DPP6: variants seen among roughly 807,000 people sequenced by gnomAD.
DPP6 encodes the protein A-type potassium channel modulatory protein DPP6.
A neutral mutation model predicts 122.6 loss-of-function variants in DPP6; 69 were observed. The observed-to-expected ratio is 0.56, with a 90% confidence interval of 0.46 to 0.69. The LOEUF (loss-of-function observed/expected upper bound fraction) is 0.69, where lower values mean the gene tolerates loss of function less well. Among genes scored for constraint, DPP6 ranks in the 30% least tolerant of loss-of-function variants. The probability of loss-of-function intolerance (pLI) is 0.00; values close to 1 mark genes in which losing one functional copy is unlikely to be tolerated. For synonymous variants in DPP6, 418 were observed against 433.1 expected (o/e 0.97, Z 0.43); for missense variants, 928 against 1,116.9 (o/e 0.83, Z 2.41).
intron 16 of DPP6, among the ~76,000 whole-genome samples, chr7:154,844,628 T>C (rs1218065566): frequency 6.6e-6 from 1 of 152,174 alleles, no homozygotes; most frequent in Non-Finnish European, 1.5e-5. Context: ...ACAGTTCACA[T>C]AGACAGTAGT....
At chr7:153,867,886 T>G in the DPP6 span, among the ~76,000 whole-genome samples, 7 of 152,332 alleles carry the variant, frequency 4.6e-5, no homozygotes, top group African/African-American at 1.7e-4. Flanking sequence ...ATCAAAGGCC[T>G]TTTATGCATC....
At chr7:153,892,371 TG>T (rs1272122052) in intron 1 of DPP6, among the ~76,000 whole-genome samples, 2 of 152,122 alleles carry the variant, frequency 1.3e-5, no homozygotes, top group Non-Finnish European at 2.9e-5. Context: ...TGGAATGCAG[TG>T]GCACAGTCTC....
intron 7 of DPP6, among the ~76,000 whole-genome samples, chr7:154,705,611 T>A (rs910793375): frequency 1.3e-5 from 2 of 152,050 alleles, no homozygotes; most frequent in Non-Finnish European, 2.9e-5. Context: ...ATGGCTGGGG[T>A]GGCAGGGATG....
chr7:154,464,531 C>T (rs1004932751), intron 2 of DPP6, among the ~76,000 whole-genome samples: 2 of 152,188 alleles, frequency 1.3e-5, no homozygotes, highest in African/African-American at 2.4e-5. Context: ...TGCTCTGCCT[C>T]CTTTCAAAAT....
intron 7 of DPP6, among the ~76,000 whole-genome samples, chr7:154,711,692 T>C (rs1841190380): frequency 6.6e-6 from 1 of 152,196 alleles, no homozygotes. Context: ...GTAGTATTGC[T>C]ATCATTTTGT....
intron 5 of DPP6, among the ~76,000 whole-genome samples, chr7:154,579,625 G>A (rs538005302): frequency 8.5e-5 from 13 of 152,324 alleles, no homozygotes; most frequent in Non-Finnish European, 1.3e-4. Context: ...TTGAGTTAGG[G>A]TTAGAGTTGT....
At position 154,889,283 on chromosome 7, in the gene DPP6, A is replaced by T. The variant is rs193195834; in HGVS notation, c.2316A>T (p.Val772=). ...LDNRAYEMTK[V]AHRVSALEEQ... ...CCCCGCATGTGCAGATGACCAAGGT[A>T]GCCCATCGAGTCTCCGCGCTGGAAG... The change falls in exon 24 of 26, where the codon GTA becomes GTT. Residue 772 remains valine (V), a synonymous_variant. Transcript: ENST00000377770. 168 of 1,612,922 alleles carry T rather than the reference A, an allele frequency of 1.0e-4. No individual in the cohort carries two copies. Among genetic ancestry groups the T allele is most frequent in the African/African-American group, 1.0e-3 (77 of 74,978 alleles).
At chr7:154,780,344 G>A (rs1587120044) in intron 10 of DPP6, among the ~76,000 whole-genome samples, 1 of 152,214 alleles carries the variant, frequency 6.6e-6, no homozygotes, top group African/African-American at 2.4e-5. Context: ...TAAGTTTCTG[G>A]TGAAGAAAGT....
At chr7:154,565,510 A>C (rs1449314635) in intron 4 of DPP6, among the ~76,000 whole-genome samples, 1 of 151,966 alleles carries the variant, frequency 6.6e-6, no homozygotes, top group Non-Finnish European at 1.5e-5. Flanking sequence ...GGTGCAGAGG[A>C]CCATAATATG....
intron 1 of DPP6, among the ~76,000 whole-genome samples, chr7:154,382,159 G>A (rs10241644): frequency 8.7e-5 from 13 of 149,428 alleles, no homozygotes; most frequent in African/African-American, 2.5e-4. Context: ...GTTTGCTTGC[G>A]AGTGACTCCC....
chr7:153,789,185 C>T, the DPP6 span, among the ~76,000 whole-genome samples: 1 of 151,942 alleles, frequency 6.6e-6, no homozygotes, highest in Non-Finnish European at 1.5e-5. Flanking sequence ...GCATTGTGTC[C>T]TAATTTAATT....
At chr7:154,275,243 C>G (rs750904225) in intron 1 of DPP6, among the ~76,000 whole-genome samples, 1 of 152,224 alleles carries the variant, frequency 6.6e-6, no homozygotes, top group Non-Finnish European at 1.5e-5. Flanking sequence ...GATGGCCTAC[C>G]TGCTCCTAGA....
chr7:154,679,534 G>T (rs1483742296), intron 7 of DPP6, among the ~76,000 whole-genome samples: 8 of 152,158 alleles, frequency 5.3e-5, no homozygotes, highest in African/African-American at 1.9e-4. Context: ...CCTGGCTCAG[G>T]GTTAGCGCTG....
At chr7:154,244,103 A>G (rs1403378230) in intron 1 of DPP6, among the ~76,000 whole-genome samples, 1 of 151,522 alleles carries the variant, frequency 6.6e-6, no homozygotes, top group Non-Finnish European at 1.5e-5. Context: ...ATGCCCCAAG[A>G]TAACCAAATT....
chr7:154,261,068 G>A (rs528960513), intron 1 of DPP6, among the ~76,000 whole-genome samples: 1 of 151,970 alleles, frequency 6.6e-6, no homozygotes, highest in Admixed American at 6.6e-5. Context: ...GGTAATTTTT[G>A]TATTTTTAGT....
chr7:154,647,924 GTGTGC>G (rs901883237), intron 6 of DPP6, among the ~76,000 whole-genome samples: 1 of 151,972 alleles, frequency 6.6e-6, no homozygotes, highest in Non-Finnish European at 1.5e-5. Context: ...TGGTTCATGT[GTGTGC>G]TGTGCTGTGT....
chr7:153,988,778 A>AG (rs551794867), intron 1 of DPP6, among the ~76,000 whole-genome samples: 168 of 152,306 alleles, frequency 1.1e-3, no homozygotes, highest in African/African-American at 3.7e-3. Flanking sequence ...AGTGAGTCGG[A>AG]GGAATAAATG....
At chr7:153,759,949 CTCTG>C in the DPP6 span, among the ~76,000 whole-genome samples, 1 of 151,570 alleles carries the variant, frequency 6.6e-6, no homozygotes, top group African/African-American at 2.4e-5. Context: ...CTGTCTCTCT[CTCTG>C]TCTCTCTCTG....
chr7:153,810,187 C>T, the DPP6 span, among the ~76,000 whole-genome samples: 16 of 152,164 alleles, frequency 1.1e-4, no homozygotes, highest in African/African-American at 3.1e-4. Context: ...GCCTTGTCCA[C>T]GTGTTTTTTG....
Sources: gnomAD v4.1 joint callset for allele counts (sites outside exome capture counted in the v4.1 genomes callset) on GRCh38, gnomAD v4.1.1 for gene constraint, MANE v1.5 for transcripts, NCBI Gene and HGNC (gene_info 2026-07-23, HGNC 2026-07-21) for gene names.